Variants in USP13 observed in about 807,000 individuals in gnomAD.
The protein encoded by USP13 is ubiquitin specific peptidase 13.
Under a neutral mutation model 107.8 loss-of-function variants are expected in USP13, and 68 were observed. The observed-to-expected ratio is 0.63, with a 90% CI of 0.52 to 0.77. The LOEUF (loss-of-function observed/expected upper bound fraction) is 0.77, where lower values mean the gene tolerates loss of function less well. USP13 is among the 30% of genes least tolerant of loss of function. The pLI is 0.00. For missense variants in USP13, 945 were observed against 1,093.3 expected, an observed-to-expected ratio of 0.86 and a Z score of 1.91; for synonymous variants, 377 against 389.5, an observed-to-expected ratio of 0.97 and a Z score of 0.38.
At chr3:179,690,811 C>T (rs956505442) in intron 3 of USP13, among the ~76,000 whole-genome samples, 3 of 152,136 alleles carry the variant, frequency 2.0e-5, no homozygotes, top group African/African-American at 7.2e-5. Context: ...TGAGCTCAAG[C>T]GATCCAACTG....
At chr3:179,689,850 C>T (rs1158983831) in intron 2 of USP13, among the ~76,000 whole-genome samples, 1 of 152,078 alleles carries the variant, frequency 6.6e-6, no homozygotes, top group African/African-American at 2.4e-5. Context: ...ACTAGAGACC[C>T]ACTGGGTAAG....
chr3:179,667,239 A>G (rs906954118), intron 1 of USP13, among the ~76,000 whole-genome samples: 1 of 149,042 alleles, frequency 6.7e-6, no homozygotes, highest in Non-Finnish European at 1.5e-5. Context: ...GCTCTCCCCA[A>G]CAGTGAAAGC....
chr3:179,689,766 G>A (rs113475734), intron 2 of USP13, among the ~76,000 whole-genome samples: 4 of 152,256 alleles, frequency 2.6e-5, no homozygotes, highest in African/African-American at 9.6e-5. Flanking sequence ...GATTTCACAT[G>A]ACCAGACTAT....
chr3:179,697,200 C>T (rs576540788), intron 3 of USP13, among the ~76,000 whole-genome samples: 3 of 152,282 alleles, frequency 2.0e-5, no homozygotes, highest in Admixed American at 6.5e-5. Context: ...TGCAAAGTTT[C>T]GCTAATGGGC....
intron 15 of USP13, among the ~76,000 whole-genome samples, chr3:179,756,413 A>AAAAC (rs71628093): frequency 0.032 from 4,812 of 150,254 alleles, 228 homozygotes; most frequent in African/African-American, 0.11. Flanking sequence ...CTGTCTCAAA[A>AAAAC]AAACAAACAA....
chr3:179,783,291 T>G (rs1043369227), intron 20 of USP13, among the ~76,000 whole-genome samples: 1 of 152,178 alleles, frequency 6.6e-6, no homozygotes, highest in Admixed American at 6.5e-5. Context: ...TTTCTTTGTT[T>G]TATTGTCTCA....
rs1016743443 is a variant in USP13, at chr3:179,788,221, G to A, written c.*4080G>A. On this transcript the variant is annotated 3_prime_UTR_variant, in exon 21 of 21. Transcript: ENST00000263966. Reference sequence around the variant, plus strand: ...TGCCTTCTGTGGGGAGATGGCAGGGGGCAGGGGCAGGACCAGGGGATGGGA... The same window carrying A: ...TGCCTTCTGTGGGGAGATGGCAGGGAGCAGGGGCAGGACCAGGGGATGGGA... 2 of 152,372 alleles carry A rather than the reference G, an allele frequency of 1.3e-5. No homozygotes were observed. Among genetic ancestry groups the A allele is most frequent in the African/African-American group, 4.8e-5 (2 of 41,422 alleles). The allele number at this position is 152,372 out of a possible 1,614,324, so 9.4% of individuals were successfully genotyped here.
chr3:179,684,844 A>T (rs1711812433), intron 2 of USP13, among the ~76,000 whole-genome samples: 1 of 144,320 alleles, frequency 6.9e-6, no homozygotes. Context: ...TTTCCTGGGT[A>T]TTTCTAGCCA....
At chr3:179,662,236 T>C (rs1720476645) in intron 1 of USP13, among the ~76,000 whole-genome samples, 1 of 152,200 alleles carries the variant, frequency 6.6e-6, no homozygotes, top group South Asian at 2.1e-4. Flanking sequence ...CCTTTGTTTT[T>C]GTCTGCTTTA....
At chr3:179,746,528 G>T (rs1337114571) in intron 13 of USP13, among the ~76,000 whole-genome samples, 2 of 152,046 alleles carry the variant, frequency 1.3e-5, no homozygotes, top group African/African-American at 4.8e-5. Context: ...CGCCTCCCAG[G>T]TTCAAGTGAT....
At chr3:179,731,076 A>G (rs2108504789) in intron 10 of USP13, among the ~76,000 whole-genome samples, 1 of 152,294 alleles carries the variant, frequency 6.6e-6, no homozygotes, top group South Asian at 2.1e-4. Context: ...CTAAGCCTCA[A>G]CTTTCTTGGC....
Position 179,701,027 on chromosome 3 carries a change from T to C in USP13, c.375T>C (p.Asp125=). The C allele has an allele frequency of 1.9e-6, 3 of 1,613,752 alleles. No individual in the cohort carries two copies. The highest frequency in any genetic ancestry group is 2.2e-5 in the South Asian group (2 of 91,074). Residue 125 remains aspartate, a synonymous_variant, in exon 4 of 21, where the codon GAT becomes GAC. Coordinates refer to ENST00000263966, the MANE Select transcript of USP13 (RefSeq NM_003940.3). The part of the protein sequence containing the change: ...KIFLDLDTDD[D]LNSDDYEYED... ...CCTCAGATCTAGATACTGATGACGA[T>C]TTAAATAGCGACGATTATGAATATG...
intron 12 of USP13, among the ~76,000 whole-genome samples, chr3:179,744,309 A>G (rs906308449): frequency 6.7e-6 from 1 of 149,128 alleles, no homozygotes; most frequent in Non-Finnish European, 1.5e-5. Flanking sequence ...GTAACACTCG[A>G]TCTGGCTCTT....
intron 19 of USP13, among the ~76,000 whole-genome samples, chr3:179,774,950 A>G (rs1019323083): frequency 6.6e-6 from 1 of 151,964 alleles, no homozygotes; most frequent in Non-Finnish European, 1.5e-5. Context: ...CCAAGTTCCC[A>G]CTAGATTAAC....
intron 19 of USP13, among the ~76,000 whole-genome samples, chr3:179,781,180 C>T (rs968308129): frequency 1.3e-5 from 2 of 152,182 alleles, no homozygotes; most frequent in East Asian, 1.9e-4. Context: ...GTCCCACCTA[C>T]GTTATAATCA....
rs1715958359 is a variant in USP13, at chr3:179,787,875, T to C, written c.*3734T>C. ...TCCCAAAGTGCTGGGATTACACGCATGAGCTACCGCGTCCAGCCCCACTTT... is the reference window on the plus strand; with the variant it reads ...TCCCAAAGTGCTGGGATTACACGCACGAGCTACCGCGTCCAGCCCCACTTT... On this transcript the variant is annotated 3_prime_UTR_variant, in exon 21 of 21. Transcript: ENST00000263966. The C allele has an allele frequency of 6.6e-6, 1 of 152,232 alleles. No homozygotes were observed. Among genetic ancestry groups the C allele is most frequent in the African/African-American group, 2.4e-5 (1 of 41,446 alleles). The allele number at this position is 152,232 out of a possible 1,614,324, so 9.4% of individuals were successfully genotyped here.
intron 7 of USP13, 52 bp downstream of exon 7, chr3:179,720,086 A>G: frequency 7.1e-7 from 1 of 1,408,612 alleles, no homozygotes; most frequent in Non-Finnish European, 9.8e-7. Context: ...AGGGGTGGGG[A>G]GACGGCAAGG....
At chr3:179,769,399 A>G (rs1315568500) in intron 19 of USP13, among the ~76,000 whole-genome samples, 2 of 152,158 alleles carry the variant, frequency 1.3e-5, no homozygotes, top group East Asian at 1.9e-4. Context: ...GATGACCACT[A>G]TGATTTTTAA....
In USP13 at chr3:179,658,434, C is replaced by T. The variant is rs980884898; in HGVS notation, c.168+5041C>T. Among the ~76,000 whole-genome samples, 7 of 148,380 alleles carry T rather than the reference C, an allele frequency of 4.7e-5. 1 individual carries two copies. Among genetic ancestry groups the T allele is most frequent in the African/African-American group, 1.9e-4 (7 of 37,688 alleles). On this transcript the variant is annotated intron_variant, in intron 1 of 20. Transcript: ENST00000263966. ...CATAGTTGGCTCTCTTGTGCTAATTCTGCCCCCCTCCCCACCTGCATTGTA... is the reference window on the plus strand; with the variant it reads ...CATAGTTGGCTCTCTTGTGCTAATTTTGCCCCCCTCCCCACCTGCATTGTA...
Sources: allele counts gnomAD v4.1 joint callset (sites outside exome capture counted in the v4.1 genomes callset), GRCh38; gene constraint gnomAD v4.1.1; transcripts MANE v1.5; gene names NCBI Gene and HGNC (gene_info 2026-07-23, HGNC 2026-07-21).